The following CCSER1 variants were observed in gnomAD, a reference collection of about 807,000 sequenced individuals.
CCSER1 encodes the protein coiled-coil serine rich protein 1.
In CCSER1, 41 loss-of-function variants were observed where a neutral mutation model predicts 82.0. The ratio of observed to expected loss-of-function variants is 0.50; its 90% CI spans 0.39 to 0.65. The LOEUF is 0.65. Among genes scored for constraint, CCSER1 ranks in the 30% least tolerant of loss-of-function variants. CCSER1 has a pLI of 0.00. For synonymous variants in CCSER1, 414 were observed against 383.9 expected, an observed-to-expected ratio of 1.08 and a Z score of -0.92; for missense variants, 1,119 against 1,064.2, an observed-to-expected ratio of 1.05 and a Z score of -0.72.
chr4:90,169,293 A>G (rs1486135021), intron 1 of CCSER1, among the ~76,000 whole-genome samples: 2 of 152,108 alleles, frequency 1.3e-5, no homozygotes, highest in East Asian at 1.9e-4. Context: ...TTATTGGTGT[A>G]TAGGAATGCT....
intron 10 of CCSER1, among the ~76,000 whole-genome samples, chr4:91,143,382 C>A (rs1398327838): frequency 7.9e-5 from 12 of 151,896 alleles, no homozygotes; most frequent in African/African-American, 2.9e-4. Context: ...TACCTTTTGG[C>A]AGATTATGTA....
intron 10 of CCSER1, among the ~76,000 whole-genome samples, chr4:91,423,214 T>C (rs1029725802): frequency 2.7e-5 from 4 of 150,804 alleles, no homozygotes; most frequent in Admixed American, 2.0e-4. Context: ...TCACCTGAGG[T>C]CAGGAGTTCA....
intron 10 of CCSER1, among the ~76,000 whole-genome samples, chr4:91,216,599 C>T (rs1157051116): frequency 1.3e-5 from 2 of 152,142 alleles, no homozygotes; most frequent in Non-Finnish European, 2.9e-5. Flanking sequence ...GGATTACAGG[C>T]GTGAGCCACT....
intron 6 of CCSER1, among the ~76,000 whole-genome samples, chr4:90,722,833 A>G (rs1415571060): frequency 1.3e-5 from 2 of 151,956 alleles, no homozygotes; most frequent in African/African-American, 4.8e-5. Flanking sequence ...AGTTTATTGT[A>G]CATTTGAATA....
At position 90,276,671 on chromosome 4, in the gene CCSER1, T is replaced by C. The variant is rs572552417; in HGVS notation, c.-41-31573T>C. 7.2e-5 allele frequency among the ~76,000 whole-genome samples: 11 copies of C among 152,152 alleles called. No individual in the cohort carries two copies. In the South Asian group the frequency reaches 2.3e-3, roughly 32 times the overall value. ...TTGAGTTTTCTAATGCATAATGCAC[T>C]GAAGAGTTCTCTTTCATAAATTCAG... is the stretch of plus-strand genomic sequence containing the variant. On this transcript the variant is annotated intron_variant, in intron 1 of 10. Transcript: ENST00000509176.
At chr4:91,192,476 T>C in intron 10 of CCSER1, among the ~76,000 whole-genome samples, 1 of 152,196 alleles carries the variant, frequency 6.6e-6, no homozygotes, top group Non-Finnish European at 1.5e-5. Flanking sequence ...CCCTACCTGC[T>C]CCACCTAGGA....
chr4:91,598,778 A>G lies in CCSER1; in HGVS notation c.2424A>G (p.Gly808=). The change falls in exon 11 of 11, where the codon GGA becomes GGG. Residue 808 remains glycine (G), a synonymous_variant. Coordinates refer to ENST00000509176, the MANE Select transcript of CCSER1 (RefSeq NM_001145065.2). ...ELAEVIKHSR[G]TYETLTSDVT... ...CAGAAGTTATCAAACATTCAAGAGGAACTTATGAAACCCTCACTTCAGACG... is the reference window on the plus strand; with the variant it reads ...CAGAAGTTATCAAACATTCAAGAGGGACTTATGAAACCCTCACTTCAGACG... 5.2e-6 allele frequency: 8 copies of G among 1,551,658 alleles called. No individual in the cohort carries two copies. Among genetic ancestry groups the G allele is most frequent in the Non-Finnish European group, 7.0e-6 (8 of 1,146,936 alleles).
intron 1 of CCSER1, among the ~76,000 whole-genome samples, chr4:90,281,994 T>G (rs11937852): frequency 0.015 from 2,253 of 152,108 alleles, 69 homozygotes; most frequent in African/African-American, 0.051. Flanking sequence ...AAACTGAATT[T>G]TCAAAAAGGC....
chr4:90,192,797 T>G (rs1735903957), intron 1 of CCSER1, among the ~76,000 whole-genome samples: 2 of 152,072 alleles, frequency 1.3e-5, no homozygotes, highest in Non-Finnish European at 2.9e-5. Flanking sequence ...GTGTTGTGTT[T>G]AGAGGATCAG....
chr4:91,116,046 C>T (rs1056762148), intron 10 of CCSER1, among the ~76,000 whole-genome samples: 16 of 151,768 alleles, frequency 1.1e-4, no homozygotes, highest in African/African-American at 3.9e-4. Flanking sequence ...TGATGTTCTC[C>T]TTCCTGTGTC....
At chr4:91,268,551 A>T (rs1265855791) in intron 10 of CCSER1, among the ~76,000 whole-genome samples, 1 of 152,102 alleles carries the variant, frequency 6.6e-6, no homozygotes, top group Non-Finnish European at 1.5e-5. Context: ...GAATTATGTC[A>T]CGCGCTTCCC....
At chr4:91,161,169 C>G (rs749337459) in intron 10 of CCSER1, among the ~76,000 whole-genome samples, 15 of 152,106 alleles carry the variant, frequency 9.9e-5, no homozygotes, top group Non-Finnish European at 1.9e-4. Context: ...AATCCTTTCC[C>G]CACTTCTTCT....
chr4:90,527,919 A>G (rs1773993188), intron 5 of CCSER1, among the ~76,000 whole-genome samples: 1 of 152,138 alleles, frequency 6.6e-6, no homozygotes, highest in Admixed American at 6.6e-5. Flanking sequence ...ACTATTCCCC[A>G]TTTATTTATT....
intron 5 of CCSER1, among the ~76,000 whole-genome samples, chr4:90,625,954 G>A (rs1469263398): frequency 1.3e-5 from 2 of 152,072 alleles, no homozygotes; most frequent in African/African-American, 2.4e-5. Context: ...AACTTCACAC[G>A]AATATGATTC....
chr4:90,622,475 G>T (rs1722494804), intron 5 of CCSER1, among the ~76,000 whole-genome samples: 4 of 152,182 alleles, frequency 2.6e-5, no homozygotes, highest in South Asian at 2.1e-4. Context: ...GTGTCCAAGT[G>T]TTCTCATTAT....
intron 1 of CCSER1, among the ~76,000 whole-genome samples, chr4:90,245,409 T>C (rs1156692955): frequency 6.6e-6 from 1 of 151,380 alleles, no homozygotes; most frequent in Middle Eastern, 3.4e-3. Flanking sequence ...AGCTGACCCC[T>C]TCTCTAAGGT....
At chr4:90,179,825 A>G (rs1469878394) in intron 1 of CCSER1, among the ~76,000 whole-genome samples, 2 of 151,764 alleles carry the variant, frequency 1.3e-5, no homozygotes, top group African/African-American at 4.9e-5. Flanking sequence ...TACCATTTCT[A>G]GCTGGTGTAA....
chr4:91,184,070 G>C (rs1734298411), intron 10 of CCSER1, among the ~76,000 whole-genome samples: 2 of 152,332 alleles, frequency 1.3e-5, no homozygotes, highest in South Asian at 4.1e-4. Context: ...TTTGTCAGGA[G>C]CTATAATTAA....
chr4:90,590,534 C>T (rs72887445), intron 5 of CCSER1, among the ~76,000 whole-genome samples: 52,299 of 151,430 alleles, frequency 0.35, 9,712 homozygotes, highest in East Asian at 0.49. Context: ...GAGCCGAGAT[C>T]GCGCTATTGC....
Sources: gnomAD v4.1 joint callset for allele counts (sites outside exome capture counted in the v4.1 genomes callset) on GRCh38, gnomAD v4.1.1 for gene constraint, MANE v1.5 for transcripts, NCBI Gene and HGNC (gene_info 2026-07-23, HGNC 2026-07-21) for gene names.